CACNA1B: variants seen among roughly 807,000 people sequenced by gnomAD.
CACNA1B encodes calcium voltage-gated channel subunit alpha1 B.
In CACNA1B, 70 loss-of-function variants were observed where a neutral mutation model predicts 247.2. The observed-to-expected ratio is 0.28, with a 90% CI of 0.23 to 0.35. The LOEUF (loss-of-function observed/expected upper bound fraction) is 0.35. CACNA1B is among the 10% of genes least tolerant of loss of function. CACNA1B has a pLI of 1.00. For synonymous variants in CACNA1B, 1,231 were observed against 1,294.4 expected, an observed-to-expected ratio of 0.95 and a Z score of 1.05; for missense variants, 2,367 against 3,197.4, an observed-to-expected ratio of 0.74 and a Z score of 6.26.
At chr9:138,037,380 C>G (rs564046135) in intron 20 of CACNA1B, among the ~76,000 whole-genome samples, 2 of 152,166 alleles carry the variant, frequency 1.3e-5, no homozygotes, top group Admixed American at 1.3e-4. Context: ...GAATCCAGGC[C>G]GGGCTCAGTG....
Position 138,120,168 on chromosome 9 carries a change from G to T in CACNA1B, c.6034G>T (p.Val2012Phe). The T allele has an allele frequency of 1.3e-6, 2 of 1,599,572 alleles. No individual in the cohort carries two copies. Among genetic ancestry groups the T allele is most frequent in the Non-Finnish European group, 1.7e-6 (2 of 1,174,348 alleles). Residue 2012 changes from valine to phenylalanine, a missense_variant, in exon 45 of 47, where the codon GTC (valine) becomes TTC (phenylalanine). Val to Phe is a conservative substitution (Grantham distance 50). Transcript: ENST00000371372. ...ACTCTCAGTCCTTTGCCCACAGCCC[G>T]TCACAGATGCCAGCCCCATGAAGCG... ...MPRLAAETQP[V>F]TDASPMKRSI... is the part of the protein sequence containing the mutation.
At chr9:137,948,419 A>G (rs1036899697) in intron 6 of CACNA1B, among the ~76,000 whole-genome samples, 1 of 152,064 alleles carries the variant, frequency 6.6e-6, no homozygotes, top group African/African-American at 2.4e-5. Flanking sequence ...GGATAATTCT[A>G]TCGTTCTTTG....
intron 6 of CACNA1B, among the ~76,000 whole-genome samples, chr9:137,936,589 C>A (rs1360520585): frequency 1.3e-5 from 2 of 152,178 alleles, no homozygotes; most frequent in Admixed American, 1.3e-4. Context: ...CCTAGGTTTT[C>A]TTCTAGGATT....
intron 6 of CACNA1B, among the ~76,000 whole-genome samples, chr9:137,949,194 GTA>G (rs1404179352): frequency 2.8e-4 from 2 of 7,116 alleles, no homozygotes; most frequent in East Asian, 4.0e-3. Flanking sequence ...TGTGTATGGT[GTA>G]TGTGTGTCTG....
At position 138,099,666 on chromosome 9, in the gene CACNA1B, G is replaced by A. The variant is rs538805374; in HGVS notation, c.5223-3045G>A. 3.3e-3 allele frequency among the ~76,000 whole-genome samples: 489 copies of A among 150,280 alleles called. 4 individuals are homozygous for A. The highest frequency in any genetic ancestry group is 0.011 in the South Asian group (49 of 4,604). ...TGTGGTGTGCATGTGCCTGTGGTGC[G>A]CATGTGCCTGTGTGGGTGTGCATGT... is the stretch of plus-strand genomic sequence containing the variant. On this transcript the variant is annotated intron_variant, in intron 37 of 46. Coordinates refer to ENST00000371372, the MANE Select transcript of CACNA1B (RefSeq NM_000718.4).
At chr9:137,975,517 G>A (rs1958209165) in intron 11 of CACNA1B, among the ~76,000 whole-genome samples, 1 of 152,176 alleles carries the variant, frequency 6.6e-6, no homozygotes, top group Non-Finnish European at 1.5e-5. Flanking sequence ...AGGACCAGCT[G>A]GAAGCTGTAG....
At chr9:138,094,163 T>C (rs1338697098) in intron 36 of CACNA1B, among the ~76,000 whole-genome samples, 2 of 152,074 alleles carry the variant, frequency 1.3e-5, no homozygotes, top group African/African-American at 2.4e-5. Context: ...TGAAATAAGC[T>C]AGTCACAAAA....
chr9:138,044,906 C>T (rs565689216), intron 21 of CACNA1B, among the ~76,000 whole-genome samples: 17 of 152,274 alleles, frequency 1.1e-4, no homozygotes, highest in South Asian at 8.3e-4. Context: ...AGGAGTAAAG[C>T]GGTAATGGAG....
rs1184686493 is a variant in CACNA1B, at chr9:137,888,931, G to A, written c.530+6048G>A. ...AGCAGCAGCCCATGTGCAAGTGTGC[G>A]GCTCAGGGATGACCTGACGCTGTGT... On this transcript the variant is annotated intron_variant, in intron 3 of 46. Coordinates refer to ENST00000371372, the MANE Select transcript of CACNA1B (RefSeq NM_000718.4). This position sits in a 1 kb window ranked among gnomAD's most constrained non-coding sequence, Gnocchi z 4.7. 6.6e-6 allele frequency among the ~76,000 whole-genome samples: 1 copy of A among 150,728 alleles called. No homozygotes were observed. The highest frequency in any genetic ancestry group is 1.5e-5 in the Non-Finnish European group (1 of 67,060).
At chr9:138,019,641 C>T (rs11137339) in intron 18 of CACNA1B, among the ~76,000 whole-genome samples, 44,538 of 151,492 alleles carry the variant, frequency 0.29, 9,045 homozygotes, top group East Asian at 0.65. Context: ...AGGCCCCTGC[C>T]GCCCCCGCCC....
intron 6 of CACNA1B, among the ~76,000 whole-genome samples, chr9:137,925,318 T>C (rs1237376986): frequency 1.3e-5 from 2 of 152,168 alleles, no homozygotes; most frequent in Non-Finnish European, 2.9e-5. Context: ...TGTGGGTCCC[T>C]TTAAATTTGT....
At chr9:138,078,347 T>A in intron 36 of CACNA1B, 89 bp downstream of exon 36, 1 of 1,328,314 alleles carries the variant, frequency 7.5e-7, no homozygotes, top group Non-Finnish European at 1.1e-6. Context: ...GATCCCTGAC[T>A]CTGATCCAGG....
At chr9:137,928,852 G>C (rs973249340) in intron 6 of CACNA1B, among the ~76,000 whole-genome samples, 1 of 152,106 alleles carries the variant, frequency 6.6e-6, no homozygotes, top group African/African-American at 2.4e-5. Context: ...GTCTATTCCA[G>C]ACATTTTATA....
chr9:137,935,232 C>T (rs1262756307), intron 6 of CACNA1B, among the ~76,000 whole-genome samples: 3 of 152,122 alleles, frequency 2.0e-5, no homozygotes, highest in Non-Finnish European at 4.4e-5. Flanking sequence ...ACATATTTCT[C>T]CTAATGCTAT....
chr9:138,110,980 A>T (rs1240454599), intron 39 of CACNA1B, among the ~76,000 whole-genome samples: 1 of 100,702 alleles, frequency 9.9e-6, no homozygotes, highest in African/African-American at 3.0e-5. Context: ...CCAGAATTTA[A>T]AAAAAAAAAA....
chr9:138,118,028 C>A lies in CACNA1B; in HGVS notation c.5860C>A (p.Pro1954Thr), dbSNP rs1961932398. 5 of 1,600,034 alleles carry A rather than the reference C, an allele frequency of 3.1e-6. No individual in the cohort carries two copies. The highest frequency in any genetic ancestry group is 4.3e-6 in the Non-Finnish European group (5 of 1,173,290). The change falls in exon 43 of 47, where the codon CCC becomes ACC. Residue 1954 changes from proline to threonine, a missense_variant. Coordinates refer to ENST00000371372, the MANE Select transcript of CACNA1B (RefSeq NM_000718.4). ...TQDAPHEARPPLERGHSTEIP... is the reference protein window; with the variant it reads ...TQDAPHEARPTLERGHSTEIP... Reference sequence around the variant, plus strand: ...GGATGCACCCCATGAGGCCAGGCCACCCCTGGAGCGTGGCCACTCCACAGA... The same window carrying A: ...GGATGCACCCCATGAGGCCAGGCCAACCCTGGAGCGTGGCCACTCCACAGA...
intron 18 of CACNA1B, among the ~76,000 whole-genome samples, chr9:138,022,424 G>T (rs2133436611): frequency 6.6e-6 from 1 of 152,262 alleles, no homozygotes; most frequent in Middle Eastern, 3.4e-3. Flanking sequence ...TGTCTGCTCT[G>T]CCACAGCAAC....
intron 3 of CACNA1B, among the ~76,000 whole-genome samples, chr9:137,908,839 G>T (rs1957327383): frequency 6.6e-6 from 1 of 151,544 alleles, no homozygotes; most frequent in African/African-American, 2.4e-5. Flanking sequence ...CACCATGTTA[G>T]CCAGGATGGT....
At chr9:138,034,992 A>C (rs1959026011) in intron 20 of CACNA1B, among the ~76,000 whole-genome samples, 1 of 152,228 alleles carries the variant, frequency 6.6e-6, no homozygotes, top group African/African-American at 2.4e-5. Flanking sequence ...AATGCAGTCC[A>C]GGTGGGACAG....
Sources: gnomAD v4.1 joint callset for allele counts (sites outside exome capture counted in the v4.1 genomes callset) on GRCh38, gnomAD v4.1.1 for gene constraint, Gnocchi (gnomAD v3.1) non-coding constraint, MANE v1.5 for transcripts, NCBI Gene and HGNC (gene_info 2026-07-23, HGNC 2026-07-21) for gene names.